The following DTD2 variants were observed in gnomAD, a reference collection of about 807,000 sequenced individuals.
DTD2 encodes the protein D-aminoacyl-tRNA deacylase 2.
Under a neutral mutation model 15.5 loss-of-function variants are expected in DTD2, and 12 were observed. That is an observed-to-expected ratio of 0.77 (90% CI 0.50 to 1.25). DTD2 has a LOEUF of 1.25. DTD2 is among the 50% of genes most tolerant of loss of function. DTD2 has a pLI of 0.00. For missense variants in DTD2, 170 were observed against 201.1 expected, an observed-to-expected ratio of 0.85 and a Z score of 0.93; for synonymous variants, 59 against 77.3, an observed-to-expected ratio of 0.76 and a Z score of 1.24.
intron 2 of DTD2, chr14:31,452,214 T>TA (rs1338299833): frequency 1.3e-5 from 2 of 152,232 alleles, no homozygotes. Flanking sequence ...TCTTCCATAA[T>TA]AATGATATAA....
intron 1 of DTD2, among the ~76,000 whole-genome samples, chr14:31,455,658 T>A (rs1393186929): frequency 6.6e-6 from 1 of 150,584 alleles, no homozygotes; most frequent in East Asian, 2.0e-4. Flanking sequence ...CTTGGCTCAC[T>A]ACAACCTCTG....
chr14:31,455,642 C>T (rs1427364556), intron 1 of DTD2, among the ~76,000 whole-genome samples: 2 of 149,908 alleles, frequency 1.3e-5, no homozygotes, highest in Non-Finnish European at 3.0e-5. Flanking sequence ...AGTGCAGTGG[C>T]GTGATCTTGG....
intron 2 of DTD2, among the ~76,000 whole-genome samples, chr14:31,451,451 C>T (rs1053794213): frequency 2.6e-5 from 4 of 151,334 alleles, no homozygotes; most frequent in African/African-American, 9.7e-5. Flanking sequence ...CCTGGCCTCT[C>T]TCTCTCTCTC....
At chr14:31,457,252 A>G in intron 1 of DTD2, 31 bp downstream of exon 1, 3 of 1,536,932 alleles carry the variant, frequency 2.0e-6, no homozygotes, top group South Asian at 1.2e-5. Flanking sequence ...CGCACGCCGG[A>G]GGATAACGAG....
intron 1 of DTD2, among the ~76,000 whole-genome samples, chr14:31,453,574 G>T (rs570862598): frequency 6.6e-6 from 1 of 152,310 alleles, no homozygotes; most frequent in East Asian, 1.9e-4. Flanking sequence ...GAGCAGTGAA[G>T]ACAAGTTATA....
intron 2 of DTD2, chr14:31,452,414 G>A (rs988010871): frequency 2.6e-5 from 4 of 152,218 alleles, no homozygotes. Flanking sequence ...GTATGTGTAT[G>A]TGTGTACACT....
chr14:31,453,671 G>T (rs187933446), intron 1 of DTD2, among the ~76,000 whole-genome samples: 1 of 152,074 alleles, frequency 6.6e-6, no homozygotes, highest in Non-Finnish European at 1.5e-5. Context: ...GAAACATTTC[G>T]TTTGCTGGGC....
chr14:31,448,939 G>A (rs911501847), intron 2 of DTD2, among the ~76,000 whole-genome samples: 12 of 152,128 alleles, frequency 7.9e-5, no homozygotes, highest in African/African-American at 2.2e-4. Context: ...TGTCGCCCAG[G>A]CTGGAGTGCA....
chr14:31,455,161 G>C (rs1316019212), intron 1 of DTD2, among the ~76,000 whole-genome samples: 1 of 152,140 alleles, frequency 6.6e-6, no homozygotes, highest in East Asian at 1.9e-4. Context: ...TTTGCATAAG[G>C]AGATGTAGCC....
intron 1 of DTD2, among the ~76,000 whole-genome samples, chr14:31,456,179 G>C (rs560353428): frequency 6.6e-6 from 1 of 152,118 alleles, no homozygotes; most frequent in Non-Finnish European, 1.5e-5. Flanking sequence ...GATCACCTGA[G>C]GTCAGGAGTT....
intron 1 of DTD2, among the ~76,000 whole-genome samples, chr14:31,454,439 A>T (rs1263916676): frequency 6.6e-6 from 1 of 152,246 alleles, no homozygotes; most frequent in Admixed American, 6.5e-5. Context: ...CTGGAAAAGA[A>T]GTGAGTTTTA....
chr14:31,455,260 T>A lies in DTD2; in HGVS notation c.112-1916A>T, dbSNP rs529263264. Among the ~76,000 whole-genome samples the A allele has an allele frequency of 3.3e-5, 5 of 152,142 alleles. 1 individual carries two copies. The South Asian group carries it at 1.0e-3, about 32-fold the overall frequency. ...TAGTGTCTGGATGCAACTATAAAAA[T>A]GGATAATTCGGCCGGGCACGGTGGC... On this transcript the variant is annotated intron_variant, in intron 1 of 2. Coordinates refer to ENST00000310850, the MANE Select transcript of DTD2 (RefSeq NM_080664.3).
chr14:31,450,971 G>C (rs1369134496), intron 2 of DTD2, among the ~76,000 whole-genome samples: 1 of 152,078 alleles, frequency 6.6e-6, no homozygotes, highest in African/African-American at 2.4e-5. Context: ...TCAATCTTAA[G>C]TCAGAATGAC....
At position 31,447,676 on chromosome 14, in the gene DTD2, C is replaced by T. The variant is rs1252968225; in HGVS notation, c.*453G>A. The T allele has an allele frequency of 6.5e-6, 1 of 153,528 alleles. No individual in the cohort carries two copies. The highest frequency in any genetic ancestry group is 2.4e-5 in the African/African-American group (1 of 41,384). The allele number at this position is 153,528 out of a possible 1,614,324, so 9.5% of individuals were successfully genotyped here. The stretch of plus-strand genomic sequence containing the variant: ...TCTACTAAAAATACAAAAAAATTAG[C>T]TGGGCATGGTGGCATGCGCCTGTAA... On this transcript the variant is annotated 3_prime_UTR_variant, in exon 3 of 3. Coordinates refer to ENST00000310850, the MANE Select transcript of DTD2 (RefSeq NM_080664.3).
intron 2 of DTD2, 28 bp downstream of exon 2, chr14:31,453,247 T>G (rs1218072461): frequency 1.9e-6 from 3 of 1,611,706 alleles, no homozygotes; most frequent in Non-Finnish European, 2.5e-6. Flanking sequence ...CTCTCACTCT[T>G]AAAAAAGAAA....
intron 2 of DTD2, among the ~76,000 whole-genome samples, chr14:31,450,153 C>A (rs893827388): frequency 1.2e-4 from 18 of 152,146 alleles, no homozygotes; most frequent in African/African-American, 4.1e-4. Context: ...AATAACAGGC[C>A]TGAGAGGTAA....
intron 2 of DTD2, among the ~76,000 whole-genome samples, chr14:31,449,072 T>G (rs1286430988): frequency 6.6e-6 from 1 of 152,122 alleles, no homozygotes; most frequent in Non-Finnish European, 1.5e-5. Context: ...TTTTTGTATT[T>G]TTAGTAGAGA....
intron 2 of DTD2, chr14:31,452,780 TTTGA>T (rs1232952851): frequency 1.3e-5 from 2 of 152,320 alleles, no homozygotes; most frequent in African/African-American, 4.8e-5. Flanking sequence ...GCATATCTGG[TTTGA>T]TTGTTATACA....
rs963341775 is a variant in DTD2, at chr14:31,446,900, G to T, written c.*1229C>A. 2.6e-5 allele frequency: 4 copies of T among 152,076 alleles called. No individual in the cohort carries two copies. The highest frequency in any genetic ancestry group is 5.9e-5 in the Non-Finnish European group (4 of 68,020). The allele number at this position is 152,076 out of a possible 1,614,324, so 9.4% of individuals were successfully genotyped here. A position where few individuals can be genotyped will look rare whatever the true frequency, so the allele number is the denominator to read the frequency against. ...AAAAGGAACTTCTTAAACAATTTAT[G>T]AACTAACACTAATTTCATGAACCAG... is the stretch of plus-strand genomic sequence containing the variant. On this transcript the variant is annotated 3_prime_UTR_variant, in exon 3 of 3. Transcript: ENST00000310850.
Sources: gnomAD v4.1 joint callset for allele counts (sites outside exome capture counted in the v4.1 genomes callset) on GRCh38, gnomAD v4.1.1 for gene constraint, MANE v1.5 for transcripts, NCBI Gene and HGNC (gene_info 2026-07-23, HGNC 2026-07-21) for gene names.